CLASP2: variants seen among roughly 807,000 people sequenced by gnomAD.
The protein encoded by CLASP2 is CLIP-associating protein 2.
Under a neutral mutation model 194.4 loss-of-function variants are expected in CLASP2, and 47 were observed. The observed-to-expected ratio is 0.24, with a 90% CI of 0.19 to 0.31. The LOEUF (loss-of-function observed/expected upper bound fraction) is 0.31, where lower values mean the gene tolerates loss of function less well. Among genes scored for constraint, CLASP2 ranks in the 10% least tolerant of loss-of-function variants. The pLI is 1.00. For synonymous variants in CLASP2, 619 were observed against 633.5 expected (o/e 0.98, Z 0.34); for missense variants, 1,445 against 1,823.6 (o/e 0.79, Z 3.78).
At chr3:33,677,685 T>G (rs1185355177) in intron 6 of CLASP2, among the ~76,000 whole-genome samples, 2 of 149,532 alleles carry the variant, frequency 1.3e-5, no homozygotes, top group Admixed American at 6.7e-5. Context: ...ACATGTACCC[T>G]AAAACTTAAA....
At chr3:33,567,100 C>A (rs2062877503) in intron 26 of CLASP2, among the ~76,000 whole-genome samples, 1 of 152,180 alleles carries the variant, frequency 6.6e-6, no homozygotes, top group South Asian at 2.1e-4. Flanking sequence ...ATGGGGCCAA[C>A]ATTTGGTTCC....
intron 27 of CLASP2, among the ~76,000 whole-genome samples, chr3:33,565,059 C>T (rs187108753): frequency 6.6e-6 from 1 of 152,292 alleles, no homozygotes; most frequent in Admixed American, 6.5e-5. Flanking sequence ...CAACACCAAC[C>T]CCTCCTCTTC....
At chr3:33,676,689 C>T (rs1016941850) in intron 6 of CLASP2, among the ~76,000 whole-genome samples, 12 of 152,094 alleles carry the variant, frequency 7.9e-5, no homozygotes, top group Non-Finnish European at 1.3e-4. Context: ...CAACAAAAGC[C>T]GAAATTGACA....
chr3:33,502,009 G>A, intron 37 of CLASP2: 1 of 351,982 alleles, frequency 2.8e-6, no homozygotes, highest in Non-Finnish European at 5.2e-6. Context: ...AGTCTGGAAA[G>A]CTGCACTTCT....
chr3:33,606,495 A>C, intron 16 of CLASP2, 96 bp downstream of exon 16: 3 of 917,882 alleles, frequency 3.3e-6, no homozygotes, highest in Non-Finnish European at 5.0e-6. Context: ...TCAAGGCTTT[A>C]GGTGAAAGCA....
chr3:33,656,724 A>G (rs1487191757), intron 7 of CLASP2, among the ~76,000 whole-genome samples: 2 of 152,198 alleles, frequency 1.3e-5, no homozygotes, highest in East Asian at 1.9e-4. Flanking sequence ...TATAGTAAAC[A>G]AATTTCTATA....
chr3:33,582,046 GGCTGAAAAGAAATTACTCTT>G, intron 22 of CLASP2, 118 bp from the exon 23 acceptor site: 1 of 607,868 alleles, frequency 1.6e-6, no homozygotes, highest in Non-Finnish European at 2.9e-6. Context: ...ATTTTTCTAA[GGCTGAAAAGAAATTACTCTT>G]GCTGAAGCAT....
chr3:33,581,998 T>C, intron 22 of CLASP2, 70 bp from the exon 23 acceptor site: 1 of 1,175,908 alleles, frequency 8.5e-7, no homozygotes, highest in African/African-American at 1.5e-5. Context: ...TTAAAAAATT[T>C]TGTTTTTTTC....
intron 11 of CLASP2, 109 bp downstream of exon 11, chr3:33,622,026 A>T (rs917337736): frequency 1.5e-5 from 12 of 816,192 alleles, no homozygotes; most frequent in Non-Finnish European, 2.1e-5. Context: ...TGATTTTTGG[A>T]TCATATACTT....
intron 34 of CLASP2, among the ~76,000 whole-genome samples, chr3:33,522,895 C>T (rs1055234217): frequency 1.3e-5 from 2 of 152,108 alleles, no homozygotes; most frequent in East Asian, 3.9e-4. Flanking sequence ...ACGGTGAAAC[C>T]CCGTCTCTAC....
At chr3:33,713,636 A>C (rs1384563810) in intron 1 of CLASP2, among the ~76,000 whole-genome samples, 1 of 152,136 alleles carries the variant, frequency 6.6e-6, no homozygotes, top group Non-Finnish European at 1.5e-5. Flanking sequence ...ATGCTAGCAC[A>C]CAGCCCTGCA....
chr3:33,508,230 G>A (rs1432534692), intron 37 of CLASP2, among the ~76,000 whole-genome samples: 1 of 152,092 alleles, frequency 6.6e-6, no homozygotes, highest in Non-Finnish European at 1.5e-5. Flanking sequence ...TGTTGCCCAG[G>A]CTGGTCTCGA....
In CLASP2 at chr3:33,576,267, A is replaced by G. The variant is rs2064863830; in HGVS notation, c.2356T>C (p.Tyr786His). 1 of 1,612,578 alleles carries G rather than the reference A, an allele frequency of 6.2e-7. No individual in the cohort carries two copies. The change falls in exon 24 of 39, where the codon TAT becomes CAT. Residue 786 changes from tyrosine to histidine, a missense_variant. By Grantham distance (83) the Tyr-to-His change is moderately conservative (BLOSUM62 2). Transcript: ENST00000682230. Reference sequence around the variant, plus strand: ...AGTCGACTTGATTGGCTGATCCCATAACCTGGACCTAATTCATCAAAAGAA... The same window carrying G: ...AGTCGACTTGATTGGCTGATCCCATGACCTGGACCTAATTCATCAAAAGAA... Reference protein sequence around the residue: ...VRSFQPLGPGYGISQSSRLSS... With the variant: ...VRSFQPLGPGHGISQSSRLSS...
chr3:33,716,600 C>T (rs1372286759), intron 1 of CLASP2, among the ~76,000 whole-genome samples: 1 of 152,146 alleles, frequency 6.6e-6, no homozygotes, highest in East Asian at 1.9e-4. Flanking sequence ...ATGTATATGC[C>T]TTTCTTACAG....
At chr3:33,671,650 T>A (rs1468170904) in intron 6 of CLASP2, among the ~76,000 whole-genome samples, 1 of 152,114 alleles carries the variant, frequency 6.6e-6, no homozygotes, top group African/African-American at 2.4e-5. Flanking sequence ...ATTGCCTCAC[T>A]TGGGAAGCAC....
intron 18 of CLASP2, among the ~76,000 whole-genome samples, chr3:33,598,577 C>T (rs2071139225): frequency 6.6e-6 from 1 of 152,154 alleles, no homozygotes; most frequent in Non-Finnish European, 1.5e-5. Context: ...ACTGACTTGC[C>T]ACCTTAGGAT....
At chr3:33,590,375 TTGA>T (rs2068462112) in intron 21 of CLASP2, among the ~76,000 whole-genome samples, 1 of 152,140 alleles carries the variant, frequency 6.6e-6, no homozygotes. Context: ...TATAAATCAC[TTGA>T]TGATCTTGTT....
chr3:33,644,706 A>G (rs1411282233), intron 8 of CLASP2, 51 bp downstream of exon 8: 2 of 1,596,468 alleles, frequency 1.3e-6, no homozygotes, highest in Non-Finnish European at 1.7e-6. Flanking sequence ...ATGTGTGGCC[A>G]TATCAAGGGC....
At chr3:33,644,170 T>A (rs1575187758) in intron 8 of CLASP2, among the ~76,000 whole-genome samples, 1 of 152,168 alleles carries the variant, frequency 6.6e-6, no homozygotes, top group Non-Finnish European at 1.5e-5. Context: ...AGTTCTAATA[T>A]GATCAATGAA....
Sources: allele counts gnomAD v4.1 joint callset (sites outside exome capture counted in the v4.1 genomes callset), GRCh38; gene constraint gnomAD v4.1.1; transcripts MANE v1.5; gene names NCBI Gene and HGNC (gene_info 2026-07-23, HGNC 2026-07-21).